The following PSD4 variants were observed in gnomAD, a reference collection of about 807,000 sequenced individuals.
PSD4 encodes the protein PH and SEC7 domain-containing protein 4.
In PSD4, 59 loss-of-function variants were observed where a neutral mutation model predicts 112.5. The observed-to-expected ratio is 0.52, with a 90% CI of 0.43 to 0.65. The LOEUF (loss-of-function observed/expected upper bound fraction) is 0.65, where lower values mean the gene tolerates loss of function less well. PSD4 is among the 30% of genes least tolerant of loss of function. PSD4 has a pLI of 0.00. For missense variants in PSD4, 1,267 were observed against 1,352.6 expected (o/e 0.94, Z 0.99); for synonymous variants, 533 against 540.0 (o/e 0.99, Z 0.18).
At position 113,201,840 on chromosome 2, in the gene PSD4, C is replaced by G. The variant is rs946345895; in HGVS notation, c.*425C>G. On this transcript the variant is annotated 3_prime_UTR_variant, in exon 17 of 17. Transcript: ENST00000245796. ...GGGGGAGAGCTTGGGGCAGCAGAGG[C>G]CCCTGGGCAGCCCAGCCAGGGGAGC... is the stretch of plus-strand genomic sequence containing the variant. 1.2e-5 allele frequency: 2 copies of G among 173,100 alleles called. No homozygotes were observed. The highest frequency in any genetic ancestry group is 4.8e-5 in the African/African-American group (2 of 41,926). The allele number at this position is 173,100 out of a possible 1,614,324, so 10.7% of individuals were successfully genotyped here. A position where few individuals can be genotyped will look rare whatever the true frequency, so the allele number is the denominator to read the frequency against.
intron 5 of PSD4, among the ~76,000 whole-genome samples, chr2:113,189,142 G>A (rs1298714502): frequency 6.6e-6 from 1 of 152,084 alleles, no homozygotes; most frequent in African/African-American, 2.4e-5. Context: ...TCCCACTTAT[G>A]AGTGAGAACA....
chr2:113,197,589 G>T lies in PSD4; in HGVS notation c.2412G>T (p.Lys804Asn), dbSNP rs751545950. The change falls in exon 13 of 17, where the codon AAG becomes AAT. Residue 804 changes from lysine to asparagine, a missense_variant. This residue lies in a region of PSD4 where 544 missense variants were observed against 648.6 expected (regional missense o/e 0.84). Transcript: ENST00000245796. ...CGCCATGGGGCAAGCGTGGCTGGAA[G>T]ATGTTCCACACCTTACTGCGAGGGA... ...KKTPWGKRGW[K>N]MFHTLLRGMV... The T allele has an allele frequency of 1.7e-5, 28 of 1,614,214 alleles. No homozygotes were observed. Among genetic ancestry groups the T allele is most frequent in the Non-Finnish European group, 2.4e-5 (28 of 1,180,024 alleles).
intron 5 of PSD4, among the ~76,000 whole-genome samples, chr2:113,187,139 A>G (rs1395423468): frequency 6.6e-6 from 1 of 152,226 alleles, no homozygotes; most frequent in South Asian, 2.1e-4. Context: ...GCCTGGGACC[A>G]GGAGAACCCC....
intron 1 of PSD4, among the ~76,000 whole-genome samples, chr2:113,176,441 G>T (rs999075372): frequency 1.3e-5 from 2 of 152,200 alleles, no homozygotes; most frequent in Admixed American, 1.3e-4. Flanking sequence ...CCCCACCGTG[G>T]TGAAGATTCT....
At chr2:113,186,889 C>T (rs1260633195) in intron 5 of PSD4, among the ~76,000 whole-genome samples, 1 of 152,218 alleles carries the variant, frequency 6.6e-6, no homozygotes, top group African/African-American at 2.4e-5. Context: ...CTATATGCCC[C>T]TGGGATCTCC....
chr2:113,183,238 C>A lies in PSD4; in HGVS notation c.782C>A (p.Ala261Asp). Residue 261 changes from alanine (A) to aspartate (D), a missense_variant, in exon 2 of 17, where the codon GCT (alanine) becomes GAT (aspartate). This residue lies in a region of PSD4 where 723 missense variants were observed against 704.0 expected (regional missense o/e 1.03). Transcript: ENST00000245796. ...GCGAGTCCTTGCTCAGAGAACAGTG[C>A]TTCTGGAGAGTGCTTTTCCTGGGGG... ...FLASPCSENS[A>D]SGECFSWGAS... The A allele has an allele frequency of 1.2e-6, 2 of 1,614,228 alleles. No individual in the cohort carries two copies. The highest frequency in any genetic ancestry group is 1.7e-6 in the Non-Finnish European group (2 of 1,180,032).
chr2:113,191,751 C>T (rs550481630), intron 5 of PSD4, among the ~76,000 whole-genome samples: 1 of 152,278 alleles, frequency 6.6e-6, no homozygotes, highest in South Asian at 2.1e-4. Flanking sequence ...TAGTGCTGGA[C>T]TGGGAGGTTC....
intron 16 of PSD4, 132 bp from the exon 17 acceptor site, chr2:113,201,026 G>A: frequency 8.6e-7 from 1 of 1,159,020 alleles, no homozygotes; most frequent in South Asian, 1.5e-5. Context: ...ACTCACGGTT[G>A]GTCCAGCCCT....
Position 113,196,247 on chromosome 2 carries a change from C to A in PSD4, c.2326C>A (p.Pro776Thr), listed in dbSNP as rs768953739. The A allele has an allele frequency of 1.2e-6, 2 of 1,613,948 alleles. No individual in the cohort carries two copies. The highest frequency in any genetic ancestry group is 1.7e-6 in the Non-Finnish European group (2 of 1,179,942). ...FLQLAQDPTV[P>T]TYKQGILARK... Reference sequence around the variant, plus strand: ...TCAGCTGGCTCAGGATCCCACAGTGCCCACCTACAAGCAGGGCATCCTGGC... The same window carrying A: ...TCAGCTGGCTCAGGATCCCACAGTGACCACCTACAAGCAGGGCATCCTGGC... The change falls in exon 12 of 17, where the codon CCC becomes ACC. Residue 776 changes from proline to threonine, a missense_variant. Coordinates refer to ENST00000245796, the MANE Select transcript of PSD4 (RefSeq NM_012455.3).
rs905151727 is a variant in PSD4, at chr2:113,209,042, A to T, written c.*7627A>T. ...ATGTTTTGAGGACATTATCCACGCT[A>T]GTCTCTTTCATCTGGGCCGAGGTGG... On this transcript the variant is annotated 3_prime_UTR_variant, in exon 17 of 17. Transcript: ENST00000245796. The T allele has an allele frequency of 6.6e-6, 1 of 152,200 alleles. No homozygotes were observed. Among genetic ancestry groups the T allele is most frequent in the African/African-American group, 2.4e-5 (1 of 41,454 alleles). The allele number at this position is 152,200 out of a possible 1,614,324, so 9.4% of individuals were successfully genotyped here. A position where few individuals can be genotyped will look rare whatever the true frequency, so the allele number is the denominator to read the frequency against.
At chr2:113,182,289 G>C (rs761864776) in intron 1 of PSD4, 57 bp from the exon 2 acceptor site, 5 of 639,980 alleles carry the variant, frequency 7.8e-6, no homozygotes, top group South Asian at 6.0e-5. Flanking sequence ...CACTACACAC[G>C]TGCCTCCAGA....
Position 113,182,760 on chromosome 2 carries a change from C to G in PSD4, c.304C>G (p.Gln102Glu), listed in dbSNP as rs773017089. The change falls in exon 2 of 17, where the codon CAA (glutamine) becomes GAA (glutamate). Residue 102 changes from glutamine (Q) to glutamate (E), a missense_variant. Gln to Glu is a conservative substitution (Grantham distance 29). This residue lies in a region of PSD4 where 723 missense variants were observed against 704.0 expected (regional missense o/e 1.03). Coordinates refer to ENST00000245796, the MANE Select transcript of PSD4 (RefSeq NM_012455.3). ...CACTGACCCTCCTGAATCTACCAGA[C>G]AAGATGCTCCTCCCTGGGGCTCCGG... ...RATDPPESTR[Q>E]DAPPWGSGVE... The G allele has an allele frequency of 1.3e-6, 2 of 1,593,946 alleles. No individual in the cohort carries two copies. The highest frequency in any genetic ancestry group is 1.1e-5 in the South Asian group (1 of 88,178).
At chr2:113,198,981 T>C in intron 15 of PSD4, 97 bp downstream of exon 15, 1 of 1,527,100 alleles carries the variant, frequency 6.5e-7, no homozygotes, top group East Asian at 2.5e-5. Context: ...GGCTGCGCAC[T>C]TGGCCTGGGA....
At position 113,182,464 on chromosome 2, in the gene PSD4, G is replaced by A; in HGVS notation, c.8G>A (p.Gly3Asp). The A allele has an allele frequency of 1.2e-6, 2 of 1,607,690 alleles. No homozygotes were observed. Among genetic ancestry groups the A allele is most frequent in the Non-Finnish European group, 1.7e-6 (2 of 1,175,868 alleles). Residue 3 changes from glycine (G) to aspartate (D), a missense_variant, in exon 2 of 17, where the codon GGT (glycine) becomes GAT (aspartate). Gly to Asp is a moderately conservative substitution (Grantham distance 94). Around this residue, in one of 2 missense-constraint regions of PSD4, gnomAD observed 723 missense variants for 704.0 expected, o/e 1.03. Coordinates refer to ENST00000245796, the MANE Select transcript of PSD4 (RefSeq NM_012455.3). MM[G>D]DYRLPDHPQP... The stretch of plus-strand genomic sequence containing the variant: ...GCAGCTTTTGCTCAGTGGATGATGG[G>A]TGACTACAGACTCCCTGACCACCCC...
rs1217342844 is a variant in PSD4, at chr2:113,185,763, G to T, written c.1250-114G>T. On this transcript the variant is annotated intron_variant, in intron 4 of 16. Transcript: ENST00000245796. Reference sequence around the variant, plus strand: ...AGGTCACTGCCCGAGGGAGGACAGGGCATGCTGCCAGGCTCCAGGGGAGGA... The same window carrying T: ...AGGTCACTGCCCGAGGGAGGACAGGTCATGCTGCCAGGCTCCAGGGGAGGA... The T allele has an allele frequency of 2.6e-6, 4 of 1,550,182 alleles. No homozygotes were observed. In the African/African-American group the frequency reaches 5.5e-5, roughly 21 times the overall value.
chr2:113,195,828 T>C (rs1688591955), intron 11 of PSD4, 58 bp downstream of exon 11: 2 of 1,603,332 alleles, frequency 1.2e-6, no homozygotes, highest in Non-Finnish European at 1.7e-6. Context: ...CTTTGGACTG[T>C]CCTCCCTCTG....
At position 113,186,244 on chromosome 2, in the gene PSD4, T is replaced by C. The variant is rs1688297426; in HGVS notation, c.1617T>C (p.Thr539=). ...TGDVQPDIHL[T]SAEHENLRTP... is the part of the protein sequence containing the mutation. ...ACGTCCAGCCTGACATTCACCTGAC[T>C]TCTGCAGAACAGTAAGTCTCAGACT... Residue 539 remains threonine, a synonymous_variant, in exon 5 of 17, where the codon ACT becomes ACC. Coordinates refer to ENST00000245796, the MANE Select transcript of PSD4 (RefSeq NM_012455.3). 2 of 1,588,304 alleles carry C rather than the reference T, an allele frequency of 1.3e-6. No individual in the cohort carries two copies. The highest frequency in any genetic ancestry group is 2.3e-5 in the South Asian group (2 of 87,106).
In PSD4 at chr2:113,198,824, G is replaced by C; in HGVS notation, c.2709G>C (p.Val903=). Residue 903 remains valine (V), a synonymous_variant, in exon 15 of 17, where the codon GTG becomes GTC. Transcript: ENST00000245796. ...CCGCGCCGCCCTTCCCCGCCGCTGTGGGCTCCCAGCGCAGATTCGTGCGGC... is the reference window on the plus strand; with the variant it reads ...CCGCGCCGCCCTTCCCCGCCGCTGTCGGCTCCCAGCGCAGATTCGTGCGGC... ...THSAPPFPAA[V]GSQRRFVRPI... The C allele has an allele frequency of 6.3e-7, 1 of 1,596,048 alleles. No homozygotes were observed. The highest frequency in any genetic ancestry group is 8.5e-7 in the Non-Finnish European group (1 of 1,175,894).
intron 5 of PSD4, among the ~76,000 whole-genome samples, chr2:113,187,727 G>A (rs980733053): frequency 6.6e-6 from 1 of 152,196 alleles, no homozygotes; most frequent in African/African-American, 2.4e-5. Context: ...AGTTGAACCA[G>A]TAAGCAGGAG....
Sources: gnomAD v4.1 joint callset for allele counts (sites outside exome capture counted in the v4.1 genomes callset) on GRCh38, gnomAD v4.1.1 for gene constraint, gnomAD v4.1.1 regional missense constraint, MANE v1.5 for transcripts, NCBI Gene and HGNC (gene_info 2026-07-23, HGNC 2026-07-21) for gene names.